The following CSN1S1 variants were observed in gnomAD, a reference collection of about 807,000 sequenced individuals.
CSN1S1 encodes alpha-S1-casein.
Under a neutral mutation model 49.1 loss-of-function variants are expected in CSN1S1, and 63 were observed. That is an observed-to-expected ratio of 1.28 (90% confidence interval 1.05 to 1.58). CSN1S1 has a LOEUF of 1.58. Ranked by LOEUF, CSN1S1 falls within the 40% of genes most tolerant of loss-of-function variation. The pLI is 0.00. For missense variants in CSN1S1, 260 were observed against 224.7 expected (o/e 1.16, Z -1.01); for synonymous variants, 78 against 67.1 (o/e 1.16, Z -0.79).
In CSN1S1 at chr4:69,942,403, C is replaced by G. The variant is rs1723002702; in HGVS notation, c.361-133C>G. Reference sequence around the variant, plus strand: ...ATAAAAAGTGTTTTGACATTTTTTGCTAACTGTGGCATAGAATACAGTCTA... The same window carrying G: ...ATAAAAAGTGTTTTGACATTTTTTGGTAACTGTGGCATAGAATACAGTCTA... On this transcript the variant is annotated intron_variant, in intron 13 of 15. Transcript: ENST00000246891. 5 of 767,124 alleles carry G rather than the reference C, an allele frequency of 6.5e-6. No homozygotes were observed. The South Asian group carries it at 9.5e-5, about 15-fold the overall frequency. The allele number at this position is 767,124 out of a possible 1,614,324, so 47.5% of individuals were successfully genotyped here.
At chr4:69,943,236 T>G (rs1169573956) in intron 14 of CSN1S1, among the ~76,000 whole-genome samples, 2 of 151,432 alleles carry the variant, frequency 1.3e-5, no homozygotes, top group Non-Finnish European at 2.9e-5. Flanking sequence ...TGAGCTGGAG[T>G]GCAGTGGCAC....
intron 11 of CSN1S1, among the ~76,000 whole-genome samples, chr4:69,940,545 A>C (rs1484261930): frequency 6.6e-6 from 1 of 151,808 alleles, no homozygotes; most frequent in Non-Finnish European, 1.5e-5. Context: ...TCTATAACTT[A>C]ATCCTAAAAT....
At chr4:69,944,147 T>C (rs1723073746) in intron 14 of CSN1S1, among the ~76,000 whole-genome samples, 1 of 152,002 alleles carries the variant, frequency 6.6e-6, no homozygotes. Context: ...CAGCAACATT[T>C]TAAATGCTTT....
chr4:69,939,592 T>TGA (rs2109722166), intron 10 of CSN1S1, among the ~76,000 whole-genome samples: 1 of 151,886 alleles, frequency 6.6e-6, no homozygotes, highest in East Asian at 1.9e-4. Context: ...CAATTCTAGA[T>TGA]TAATCAGACA....
chr4:69,936,091 A>C, intron 5 of CSN1S1, 142 bp downstream of exon 5: 1 of 684,016 alleles, frequency 1.5e-6, no homozygotes, highest in Non-Finnish European at 2.5e-6. Context: ...AATATTGTTA[A>C]ATGCACATTT....
At chr4:69,940,661 T>C (rs544917848) in intron 11 of CSN1S1, among the ~76,000 whole-genome samples, 1 of 151,996 alleles carries the variant, frequency 6.6e-6, no homozygotes, top group Non-Finnish European at 1.5e-5. Context: ...TATTTTTCCC[T>C]GTCCATTTAA....
intron 10 of CSN1S1, 21 bp from the exon 11 acceptor site, chr4:69,940,000 C>A (rs974492745): frequency 2.2e-6 from 3 of 1,346,994 alleles, no homozygotes; most frequent in African/African-American, 3.0e-5. Context: ...TAAAACTATG[C>A]ATGTTTTAAT....
At chr4:69,942,964 T>C (rs1057498531) in intron 14 of CSN1S1, among the ~76,000 whole-genome samples, 1 of 148,480 alleles carries the variant, frequency 6.7e-6, no homozygotes, top group Non-Finnish European at 1.5e-5. Context: ...AAAAAAACCA[T>C]GTAAAGAAAG....
intron 14 of CSN1S1, among the ~76,000 whole-genome samples, chr4:69,943,981 A>G (rs1345174777): frequency 1.3e-5 from 2 of 151,920 alleles, no homozygotes; most frequent in African/African-American, 4.8e-5. Context: ...CAAATCATAG[A>G]CACTTATTTC....
intron 9 of CSN1S1, 65 bp from the exon 10 acceptor site, chr4:69,939,111 G>T: frequency 1.7e-6 from 2 of 1,173,140 alleles, no homozygotes; most frequent in South Asian, 2.7e-5. Flanking sequence ...TGATGACATG[G>T]AACTAGTTTC....
At chr4:69,936,729 T>G (rs1722800699) in intron 7 of CSN1S1, 122 bp downstream of exon 7, 2 of 867,422 alleles carry the variant, frequency 2.3e-6, no homozygotes, top group East Asian at 5.3e-5. Context: ...AACTTTTCAC[T>G]CATACATTTG....
chr4:69,936,273 G>T (rs1278142769), intron 5 of CSN1S1, among the ~76,000 whole-genome samples, 183 bp from the exon 6 acceptor site: 4 of 151,906 alleles, frequency 2.6e-5, no homozygotes, highest in African/African-American at 9.7e-5. Flanking sequence ...TGACTTAATT[G>T]TGTAGTGAGA....
At chr4:69,935,090 G>A (rs530049103) in intron 4 of CSN1S1, among the ~76,000 whole-genome samples, 1 of 152,016 alleles carries the variant, frequency 6.6e-6, no homozygotes, top group South Asian at 2.1e-4. Context: ...TGGTTTTTTG[G>A]TGTTTTTATT....
chr4:69,943,404 C>CA (rs1291781157), intron 14 of CSN1S1, among the ~76,000 whole-genome samples: 1 of 151,840 alleles, frequency 6.6e-6, no homozygotes, highest in Non-Finnish European at 1.5e-5. Context: ...AGGTTGGTCT[C>CA]AAACTCCTGA....
intron 14 of CSN1S1, among the ~76,000 whole-genome samples, chr4:69,943,278 G>A (rs1128576): frequency 6.6e-6 from 1 of 151,420 alleles, no homozygotes; most frequent in Non-Finnish European, 1.5e-5. Flanking sequence ...CTGCCTCCCG[G>A]GTTCTAGTGA....
intron 12 of CSN1S1, among the ~76,000 whole-genome samples, chr4:69,941,312 A>G (rs1206659612): frequency 6.6e-6 from 1 of 151,770 alleles, no homozygotes. Context: ...AAGTGACTAC[A>G]TTCTACTGCA....
At chr4:69,933,723 A>C (rs1173298464) in intron 2 of CSN1S1, among the ~76,000 whole-genome samples, 1 of 152,012 alleles carries the variant, frequency 6.6e-6, no homozygotes, top group East Asian at 1.9e-4. Context: ...TTGTCTCCAC[A>C]CTCAAAATGC....
chr4:69,932,835 A>T (rs1169149368), intron 2 of CSN1S1, among the ~76,000 whole-genome samples: 1 of 151,890 alleles, frequency 6.6e-6, no homozygotes, highest in Non-Finnish European at 1.5e-5. Flanking sequence ...AATTATAAGC[A>T]CCCCACAATA....
At chr4:69,945,750 A>G (rs1302631562) in intron 15 of CSN1S1, among the ~76,000 whole-genome samples, 1 of 151,988 alleles carries the variant, frequency 6.6e-6, no homozygotes. Flanking sequence ...CATCCTTAAC[A>G]AGTCACATAG....
Sources: gnomAD v4.1 joint callset for allele counts (sites outside exome capture counted in the v4.1 genomes callset) on GRCh38, gnomAD v4.1.1 for gene constraint, MANE v1.5 for transcripts, NCBI Gene and HGNC (gene_info 2026-07-23, HGNC 2026-07-21) for gene names.